SKA1: variants seen among roughly 807,000 people sequenced by gnomAD.
The protein encoded by SKA1 is spindle and kinetochore associated complex subunit 1, also known as SKA complex subunit 1.
In SKA1, 20 loss-of-function variants were observed where a neutral mutation model predicts 31.8. That is an observed-to-expected ratio of 0.63 (90% CI 0.44 to 0.91). The LOEUF (loss-of-function observed/expected upper bound fraction) is 0.91. Ranked by LOEUF, SKA1 falls within the 40% of genes least tolerant of loss-of-function variation. The pLI, the probability that SKA1 is intolerant of heterozygous loss-of-function variation, is 0.00. For synonymous variants in SKA1, 88 were observed against 100.5 expected (o/e 0.88, Z 0.74); for missense variants, 253 against 298.2 (o/e 0.85, Z 1.12).
At chr18:50,392,052 T>C in intron 6 of SKA1, 47 bp from the exon 7 acceptor site, 1 of 1,456,162 alleles carries the variant, frequency 6.9e-7, no homozygotes, top group Non-Finnish European at 9.2e-7. Context: ...AAAGACTCTT[T>C]TGCAAGTTGG....
intron 5 of SKA1, 133 bp from the exon 6 acceptor site, chr18:50,390,991 G>GAT: frequency 1.8e-6 from 1 of 555,034 alleles, no homozygotes; most frequent in East Asian, 3.3e-5. Context: ...TTTGGAAGTT[G>GAT]ATATAAGATT....
intron 5 of SKA1, among the ~76,000 whole-genome samples, chr18:50,386,104 T>C (rs1056988802): frequency 1.4e-4 from 21 of 152,340 alleles, no homozygotes; most frequent in Admixed American, 1.2e-3. Flanking sequence ...CCTGTTATTA[T>C]AGCAATGTAG....
intron 5 of SKA1, among the ~76,000 whole-genome samples, chr18:50,389,375 C>CTTTTTTTTTTTTTTTTT (rs756288352): frequency 1.1e-3 from 95 of 86,134 alleles, no homozygotes; most frequent in Admixed American, 1.5e-3. Flanking sequence ...CTTTACCTTT[C>CTTTTTTTTTTTTTTTTT]TTTTTTTTTT....
At position 50,391,219 on chromosome 18, in the gene SKA1, CAA is replaced by C. The variant is rs762051701; in HGVS notation, c.550_551del (p.Lys184ValfsTer15). 6.2e-7 allele frequency: 1 copy of C among 1,604,522 alleles called. No homozygotes were observed. Among genetic ancestry groups the C allele is most frequent in the African/African-American group, 1.3e-5 (1 of 74,348 alleles). ...AGTAAATATAAAATCCTACATCAGC[CAA>C]AAAAGTCTATGAATTCTGTGACCAG... On this transcript the variant is annotated frameshift_variant, in exon 6 of 7. Coordinates refer to ENST00000285116, the MANE Select transcript of SKA1 (RefSeq NM_145060.4). LOFTEE classifies it high-confidence loss of function.
intron 3 of SKA1, among the ~76,000 whole-genome samples, chr18:50,381,668 C>CT (rs1166840132): frequency 6.7e-6 from 1 of 150,132 alleles, no homozygotes; most frequent in African/African-American, 2.5e-5. Context: ...TTTTTTATTG[C>CT]TGGATTCATT....
intron 5 of SKA1, among the ~76,000 whole-genome samples, chr18:50,389,124 G>A (rs1046713723): frequency 1.4e-5 from 2 of 139,760 alleles, no homozygotes; most frequent in African/African-American, 4.9e-5. Context: ...GTGAGGATGG[G>A]AGTGACAGTT....
chr18:50,382,255 T>A, intron 4 of SKA1, 29 bp downstream of exon 4: 1 of 1,328,348 alleles, frequency 7.5e-7, no homozygotes, highest in South Asian at 1.5e-5. Context: ...ATTCTTGCTA[T>A]CTGGATTTAT....
intron 5 of SKA1, among the ~76,000 whole-genome samples, chr18:50,390,292 C>T (rs2041346289): frequency 6.6e-6 from 1 of 152,148 alleles, no homozygotes. Flanking sequence ...GACTAGAAAG[C>T]TGCTACTTTG....
At chr18:50,375,385 C>T (rs1211640325) in intron 1 of SKA1, 191 bp downstream of exon 1, 1 of 153,156 alleles carries the variant, frequency 6.5e-6, no homozygotes, top group Non-Finnish European at 1.5e-5. Context: ...TTCTCGGCCT[C>T]CTTACCGATC....
At chr18:50,385,447 T>C (rs2041299663) in intron 5 of SKA1, 94 bp downstream of exon 5, 2 of 1,090,948 alleles carry the variant, frequency 1.8e-6, no homozygotes, top group East Asian at 2.8e-5. Context: ...TAATATGCTA[T>C]GTTCAAATAT....
chr18:50,384,315 T>A (rs1010090445), intron 4 of SKA1, among the ~76,000 whole-genome samples: 7 of 152,180 alleles, frequency 4.6e-5, no homozygotes, highest in Non-Finnish European at 1.0e-4. Context: ...AGCCCCCTAC[T>A]GTTTCTTATA....
In SKA1 at chr18:50,392,278, G is replaced by A; in HGVS notation, c.*31G>A. 2 of 1,427,112 alleles carry A rather than the reference G, an allele frequency of 1.4e-6. No homozygotes were observed. Among genetic ancestry groups the A allele is most frequent in the Non-Finnish European group, 1.9e-6 (2 of 1,077,376 alleles). The allele number at this position is 1,427,112 out of a possible 1,614,324, so 88.4% of individuals were successfully genotyped here. A position where few individuals can be genotyped will look rare whatever the true frequency, so the allele number is the denominator to read the frequency against. On this transcript the variant is annotated 3_prime_UTR_variant, in exon 7 of 7. Transcript: ENST00000285116. ...TTGTGAACTTTTGAACATACCAACA[G>A]GGTATAGAGTATAGAGGCTATTTCT...
chr18:50,385,085 G>GA (rs1466815723), intron 4 of SKA1, 131 bp from the exon 5 acceptor site: 3 of 709,644 alleles, frequency 4.2e-6, no homozygotes, highest in Non-Finnish European at 6.6e-6. Context: ...CATAGGGATA[G>GA]AAAAAAATGT....
At chr18:50,382,440 G>A (rs1024813691) in intron 4 of SKA1, among the ~76,000 whole-genome samples, 1 of 151,928 alleles carries the variant, frequency 6.6e-6, no homozygotes, top group African/African-American at 2.4e-5. Context: ...GTTTGCCAAG[G>A]GCAAGTCTCT....
chr18:50,385,230 A>T lies in SKA1; in HGVS notation c.326A>T (p.Asp109Val). 6.2e-7 allele frequency: 1 copy of T among 1,613,276 alleles called. No individual in the cohort carries two copies. The highest frequency in any genetic ancestry group is 8.5e-7 in the Non-Finnish European group (1 of 1,179,650). The part of the protein sequence containing the change: ...TVTQSCVKGS[D>V]LDPEEPIKVE... ...GTATTCTGTAGTGTTAAGGGATCAG[A>T]TCTTGATCCTGAAGAACCAATCAAA... The change falls in exon 5 of 7, where the codon GAT becomes GTT. Residue 109 changes from aspartate to valine, a missense_variant. Coordinates refer to ENST00000285116, the MANE Select transcript of SKA1 (RefSeq NM_145060.4).
intron 2 of SKA1, among the ~76,000 whole-genome samples, chr18:50,377,457 T>G (rs968434735): frequency 2.0e-5 from 3 of 152,230 alleles, no homozygotes; most frequent in African/African-American, 7.2e-5. Flanking sequence ...AGGAAGCTTA[T>G]TACTCTATAT....
intron 3 of SKA1, among the ~76,000 whole-genome samples, 160 bp from the exon 4 acceptor site, chr18:50,381,969 C>T (rs529593153): frequency 2.8e-4 from 42 of 152,320 alleles, no homozygotes; most frequent in African/African-American, 9.9e-4. Flanking sequence ...TCATGATCCA[C>T]CCGCCTTAGC....
At chr18:50,382,306 C>A in intron 4 of SKA1, 80 bp downstream of exon 4, 1 of 808,028 alleles carries the variant, frequency 1.2e-6, no homozygotes, top group Non-Finnish European at 1.9e-6. Flanking sequence ...TTTGTTCTTT[C>A]ATATACTTGC....
chr18:50,380,169 T>A lies in SKA1; in HGVS notation c.132T>A (p.Asp44Glu). ...TLKTVLNKIG[D>E]EIIVINELLN... ...AAACTGTATTAAATAAAATAGGAGA[T>A]GAGATCATTGTAATAAATGAACTTC... Residue 44 changes from aspartate (D) to glutamate (E), a missense_variant, in exon 3 of 7, where the codon GAT becomes GAA. Physicochemically the swap from Asp to Glu is conservative, Grantham distance 45 (BLOSUM62 2). Coordinates refer to ENST00000285116, the MANE Select transcript of SKA1 (RefSeq NM_145060.4). The A allele has an allele frequency of 6.4e-7, 1 of 1,557,154 alleles. No homozygotes were observed. The highest frequency in any genetic ancestry group is 1.2e-5 in the South Asian group (1 of 81,624).
Sources: allele counts gnomAD v4.1 joint callset (sites outside exome capture counted in the v4.1 genomes callset), GRCh38; gene constraint gnomAD v4.1.1; transcripts MANE v1.5; gene names NCBI Gene and HGNC (gene_info 2026-07-23, HGNC 2026-07-21).